Variants in DYNC2H1 observed in about 807,000 individuals in gnomAD.
DYNC2H1 encodes the protein dynein cytoplasmic 2 heavy chain 1.
A neutral mutation model predicts 570.0 loss-of-function variants in DYNC2H1; 410 were observed. The ratio of observed to expected loss-of-function variants is 0.72; its 90% CI spans 0.66 to 0.78. The LOEUF is 0.78. DYNC2H1 is among the 30% of genes least tolerant of loss of function. DYNC2H1 has a pLI of 0.00. For synonymous variants in DYNC2H1, 1,688 were observed against 1,677.6 expected, an observed-to-expected ratio of 1.01 and a Z score of -0.15; for missense variants, 4,865 against 5,046.4, an observed-to-expected ratio of 0.96 and a Z score of 1.09.
rs200880939 is a variant in DYNC2H1 at position 103,331,417 on chromosome 11, A to C, written c.12039+7427A>C. ...TCCATAAAACTCTGCCCCTACCCTA[A>C]GTAAAAGGAATCTGTAGACCCCTGC... On this transcript the variant is annotated intron_variant, in intron 82 of 88. Transcript: ENST00000375735. Among the ~76,000 whole-genome samples, 6 of 152,168 alleles carry C rather than the reference A, an allele frequency of 3.9e-5. No homozygotes were observed. In the East Asian group the frequency reaches 1.2e-3, roughly 29 times the overall value.
At chr11:103,297,233 TTTTTTTA>T (rs1272838081) in intron 75 of DYNC2H1, among the ~76,000 whole-genome samples, 1 of 152,104 alleles carries the variant, frequency 6.6e-6, no homozygotes, top group Non-Finnish European at 1.5e-5. Flanking sequence ...GAACTTTTGA[TTTTTTTA>T]TACTAGCATC....
intron 70 of DYNC2H1, 58 bp downstream of exon 70, chr11:103,260,035 A>G: frequency 2.1e-6 from 2 of 965,006 alleles, no homozygotes; most frequent in South Asian, 1.8e-5. Context: ...ATTTAACGTA[A>G]TATTTATAGT....
At chr11:103,278,604 G>T in intron 70 of DYNC2H1, among the ~76,000 whole-genome samples, 1 of 151,690 alleles carries the variant, frequency 6.6e-6, no homozygotes. Context: ...CACTCTTGCT[G>T]CCAAGGCTGG....
chr11:103,153,620 C>A, intron 22 of DYNC2H1, 112 bp downstream of exon 22: 2 of 983,242 alleles, frequency 2.0e-6, no homozygotes, highest in Non-Finnish European at 3.0e-6. Flanking sequence ...TAAACTTCAT[C>A]ACTTTTTAAA....
At chr11:103,214,551 T>C (rs1379357517) in intron 54 of DYNC2H1, among the ~76,000 whole-genome samples, 1 of 150,944 alleles carries the variant, frequency 6.6e-6, no homozygotes, top group Non-Finnish European at 1.5e-5. Flanking sequence ...TTCAAGAGAT[T>C]CTTATGCCTC....
At chr11:103,263,022 C>CAAAAAAAAAAAAAAAAAAAA (rs35912109) in intron 70 of DYNC2H1, among the ~76,000 whole-genome samples, 2 of 39,968 alleles carry the variant, frequency 5.0e-5, no homozygotes, top group Non-Finnish European at 8.5e-5. Flanking sequence ...AAATGGAAAG[C>CAAAAAAAAAAAAAAAAAAAA]AAAAAAAAAA....
rs561759800 is a variant in DYNC2H1 at position 103,267,997 on chromosome 11, A to G, written c.10695+8020A>G. Among the ~76,000 whole-genome samples the G allele has an allele frequency of 2.0e-5, 3 of 152,138 alleles. No individual in the cohort carries two copies. In the South Asian group the frequency reaches 6.2e-4, roughly 32 times the overall value. On this transcript the variant is annotated intron_variant, in intron 70 of 88. Transcript: ENST00000375735. Reference sequence around the variant, plus strand: ...ACTTCATCTACTACTCTCAGTGAATATTAGATTATTTATACATTTTTTGTT... The same window carrying G: ...ACTTCATCTACTACTCTCAGTGAATGTTAGATTATTTATACATTTTTTGTT...
At chr11:103,397,570 T>C (rs1347533699) in intron 83 of DYNC2H1, among the ~76,000 whole-genome samples, 1 of 152,176 alleles carries the variant, frequency 6.6e-6, no homozygotes, top group Non-Finnish European at 1.5e-5. Context: ...AGTTTCAGCT[T>C]GGATATTGTG....
intron 55 of DYNC2H1, among the ~76,000 whole-genome samples, chr11:103,218,766 T>G (rs1253235714): frequency 1.3e-5 from 2 of 152,240 alleles, no homozygotes; most frequent in Non-Finnish European, 2.9e-5. Flanking sequence ...TTTCTAAGAC[T>G]GTAGCTAATT....
rs376282880 is a variant in DYNC2H1 at position 103,303,095 on chromosome 11, C to T, written c.11098C>T (p.Leu3700=). The T allele has an allele frequency of 6.6e-7, 1 of 1,514,866 alleles. No homozygotes were observed. Among genetic ancestry groups the T allele is most frequent in the African/African-American group, 1.4e-5 (1 of 71,732 alleles). 93.8% of individuals were successfully genotyped at this position (1,514,866 alleles called of 1,614,324 possible). A position where few individuals can be genotyped will look rare whatever the true frequency, so the allele number is the denominator to read the frequency against. ...MALFACKTLG[L]KEVSPLPLNL... The stretch of plus-strand genomic sequence containing the variant: ...AATTTTTAAAATATATATTTTAGGA[C>T]TGAAAGAGGTGTCCCCACTGCCTCT... The change falls in exon 76 of 89, where the codon CTG becomes TTG. Residue 3700 remains leucine, a splice_region_variant and synonymous_variant. Coordinates refer to ENST00000375735, the MANE Select transcript of DYNC2H1 (RefSeq NM_001377.3).
intron 72 of DYNC2H1, 61 bp downstream of exon 72, chr11:103,282,290 A>G (rs1034982180): frequency 1.0e-5 from 15 of 1,500,618 alleles, no homozygotes; most frequent in African/African-American, 1.4e-5. Context: ...CTTTTTGTTC[A>G]TGAGGTATAA....
chr11:103,200,351 T>A (rs183981775), intron 50 of DYNC2H1, among the ~76,000 whole-genome samples, 197 bp downstream of exon 50: 11 of 152,160 alleles, frequency 7.2e-5, no homozygotes, highest in African/African-American at 2.7e-4. Flanking sequence ...TTAAGACATA[T>A]AAAAATTGTT....
At chr11:103,353,521 G>A (rs1043958561) in intron 82 of DYNC2H1, among the ~76,000 whole-genome samples, 2 of 151,954 alleles carry the variant, frequency 1.3e-5, no homozygotes, top group Non-Finnish European at 2.9e-5. Flanking sequence ...TTAAGTATTA[G>A]GTTGGTGCAA....
Position 103,243,298 on chromosome 11 carries a change from TAGATAGATAAATAGAG to T in DYNC2H1, c.9820-393_9820-378del, listed in dbSNP as rs1217764077. ...ATAGATAGATAGATAGATAGATAGATAGATAGATAAATAGAGAATAATTTGACTGTGTATTATAAAA... is the reference window on the plus strand; with the variant it reads ...ATAGATAGATAGATAGATAGATAGATAATAATTTGACTGTGTATTATAAAA... On this transcript the variant is annotated intron_variant, in intron 63 of 88. Coordinates refer to ENST00000375735, the MANE Select transcript of DYNC2H1 (RefSeq NM_001377.3). This position sits in a 1 kb window ranked among gnomAD's most constrained non-coding sequence, Gnocchi z 4.8. Among the ~76,000 whole-genome samples the T allele has an allele frequency of 2.5e-5, 2 of 79,696 alleles. No individual in the cohort carries two copies. The highest frequency in any genetic ancestry group is 1.0e-4 in the African/African-American group (2 of 19,576). The allele number at this position is 79,696 out of a possible 152,430, so 52.3% of individuals were successfully genotyped here.
At chr11:103,345,020 C>T (rs7118092) in intron 82 of DYNC2H1, among the ~76,000 whole-genome samples, 32,952 of 152,058 alleles carry the variant, frequency 0.22, 3,704 homozygotes, top group Admixed American at 0.31. Context: ...AGTTCTATTA[C>T]GTGCATGCAT....
At position 103,261,785 on chromosome 11, in the gene DYNC2H1, C is replaced by A. The variant is rs1485471327; in HGVS notation, c.10695+1808C>A. 6.6e-6 allele frequency among the ~76,000 whole-genome samples: 1 copy of A among 152,138 alleles called. No homozygotes were observed. Among genetic ancestry groups the A allele is most frequent in the South Asian group, 2.1e-4 (1 of 4,832 alleles). ...CTGAAAATTCCAAAAACCAGAATGC[C>A]TCTTTTTCTCCAAAGGATCACAACT... On this transcript the variant is annotated intron_variant, in intron 70 of 88. Transcript: ENST00000375735. This position sits in a 1 kb window ranked among gnomAD's most constrained non-coding sequence, Gnocchi z 4.8.
chr11:103,465,369 A>G lies in DYNC2H1; in HGVS notation c.12649-3220A>G, dbSNP rs934219811. Among the ~76,000 whole-genome samples the G allele has an allele frequency of 6.6e-6, 1 of 152,178 alleles. No homozygotes were observed. The highest frequency in any genetic ancestry group is 1.5e-5 in the Non-Finnish European group (1 of 68,014). ...GAAAATGTCCTGTTTACATATCACA[A>G]GAGTAAATACTTAAAAAATGTCAGA... On this transcript the variant is annotated intron_variant, in intron 87 of 88. Coordinates refer to ENST00000375735, the MANE Select transcript of DYNC2H1 (RefSeq NM_001377.3). This position sits in a 1 kb window ranked among gnomAD's most constrained non-coding sequence, Gnocchi z 4.9.
intron 59 of DYNC2H1, among the ~76,000 whole-genome samples, chr11:103,229,443 TG>T (rs1442070478): frequency 6.6e-6 from 1 of 152,254 alleles, no homozygotes; most frequent in African/African-American, 2.4e-5. Flanking sequence ...TTTCATACTG[TG>T]TATTAAAATT....
rs1401581900 is a variant in DYNC2H1 at position 103,205,470 on chromosome 11, T to G, written c.8454+506T>G. Among the ~76,000 whole-genome samples the G allele has an allele frequency of 6.6e-6, 1 of 152,204 alleles. No individual in the cohort carries two copies. The highest frequency in any genetic ancestry group is 1.5e-5 in the Non-Finnish European group (1 of 68,032). On this transcript the variant is annotated intron_variant, in intron 52 of 88. Transcript: ENST00000375735. The surrounding 1 kb of genome is among the most constrained non-coding windows in gnomAD (Gnocchi z 4.5). ...TCAATCACTAATTTCTTTATTTTTC[T>G]ATAAGAGAAGTATAGTTTAATGCCT...
Sources: gnomAD v4.1 joint callset for allele counts (sites outside exome capture counted in the v4.1 genomes callset) on GRCh38, gnomAD v4.1.1 for gene constraint, Gnocchi (gnomAD v3.1) non-coding constraint, MANE v1.5 for transcripts, NCBI Gene and HGNC (gene_info 2026-07-23, HGNC 2026-07-21) for gene names.